The following CNTN6 variants were observed in gnomAD, a reference collection of about 807,000 sequenced individuals.
CNTN6 encodes contactin-6.
A neutral mutation model predicts 122.8 loss-of-function variants in CNTN6; 137 were observed. That is an observed-to-expected ratio of 1.12 (90% CI 0.97 to 1.29). CNTN6 has a LOEUF of 1.29. Ranked by LOEUF, CNTN6 falls within the 50% of genes most tolerant of loss-of-function variation. The pLI is 0.00. For missense variants in CNTN6, 1,634 were observed against 1,223.4 expected, an observed-to-expected ratio of 1.34 and a Z score of -5.01; for synonymous variants, 570 against 426.0, an observed-to-expected ratio of 1.34 and a Z score of -4.16.
chr3:1,377,471 C>G (rs1161139721), intron 17 of CNTN6, among the ~76,000 whole-genome samples: 2 of 152,156 alleles, frequency 1.3e-5, no homozygotes, highest in Non-Finnish European at 2.9e-5. Flanking sequence ...CACCTCTGAT[C>G]AACTCATTCT....
intron 12 of CNTN6, among the ~76,000 whole-genome samples, chr3:1,362,986 G>A (rs562793910): frequency 7.9e-5 from 12 of 151,886 alleles, no homozygotes; most frequent in African/African-American, 2.4e-4. Flanking sequence ...TTTTTAATGC[G>A]CTAAAGACAA....
intron 2 of CNTN6, among the ~76,000 whole-genome samples, chr3:1,220,441 T>C (rs2094191877): frequency 6.6e-6 from 1 of 152,140 alleles, no homozygotes; most frequent in Non-Finnish European, 1.5e-5. Context: ...TTTCTTGATA[T>C]TGTTGGTTTT....
intron 11 of CNTN6, among the ~76,000 whole-genome samples, chr3:1,351,834 A>G (rs1176398111): frequency 1.3e-5 from 2 of 152,020 alleles, no homozygotes; most frequent in South Asian, 4.1e-4. Context: ...ACTCATCAGC[A>G]CTGGCAAATA....
chr3:1,340,974 T>C (rs557309341), intron 11 of CNTN6, among the ~76,000 whole-genome samples: 21 of 152,150 alleles, frequency 1.4e-4, no homozygotes, highest in African/African-American at 5.1e-4. Context: ...CATCTGTCTA[T>C]CCCAAAGCTT....
chr3:1,367,224 CCAT>C (rs1169381249), intron 12 of CNTN6, among the ~76,000 whole-genome samples: 4 of 151,986 alleles, frequency 2.6e-5, no homozygotes, highest in African/African-American at 9.7e-5. Context: ...ACTGTAGTCA[CCAT>C]GCTGTGCCGT....
chr3:1,357,567 C>T (rs776482985), intron 12 of CNTN6, among the ~76,000 whole-genome samples: 27 of 151,848 alleles, frequency 1.8e-4, no homozygotes, highest in Non-Finnish European at 3.7e-4. Context: ...AAACCACTTG[C>T]CCAAGGTCCC....
At chr3:1,150,151 G>A (rs2092808669) in intron 2 of CNTN6, among the ~76,000 whole-genome samples, 1 of 152,066 alleles carries the variant, frequency 6.6e-6, no homozygotes, top group Non-Finnish European at 1.5e-5. Context: ...AGACAACACT[G>A]CTTTAAATCT....
At chr3:1,367,725 T>A (rs532905533) in intron 12 of CNTN6, among the ~76,000 whole-genome samples, 58 of 152,234 alleles carry the variant, frequency 3.8e-4, no homozygotes, top group African/African-American at 1.3e-3. Context: ...GTGCACATGC[T>A]TGCCTGGGTA....
At chr3:1,141,995 A>G (rs1032669) in intron 1 of CNTN6, among the ~76,000 whole-genome samples, 91,804 of 151,870 alleles carry the variant, frequency 0.6, 28,534 homozygotes, top group African/African-American at 0.75. Flanking sequence ...TAACAGAGGT[A>G]CCATCTCTGT....
intron 5 of CNTN6, 32 bp from the exon 6 acceptor site, chr3:1,295,564 GGTTTT>G (rs747708317): frequency 7.2e-4 from 1,102 of 1,522,520 alleles, no homozygotes; most frequent in Admixed American, 2.5e-3. Context: ...AGGACAGTAT[GGTTTT>G]GTTTTGTTTT....
At chr3:1,358,766 C>G (rs1441847269) in intron 12 of CNTN6, among the ~76,000 whole-genome samples, 2 of 151,940 alleles carry the variant, frequency 1.3e-5, no homozygotes, top group Non-Finnish European at 2.9e-5. Context: ...AAAATTTCTA[C>G]TTTCATCTTC....
chr3:1,385,335 C>G (rs1692706568), intron 19 of CNTN6, among the ~76,000 whole-genome samples: 1 of 151,966 alleles, frequency 6.6e-6, no homozygotes, highest in South Asian at 2.1e-4. Context: ...AGCTGGTAAC[C>G]TTTAGATAGC....
intron 5 of CNTN6, among the ~76,000 whole-genome samples, chr3:1,293,742 C>T (rs1331859421): frequency 6.6e-6 from 1 of 152,122 alleles, no homozygotes; most frequent in African/African-American, 2.4e-5. Flanking sequence ...TATTCCCCTT[C>T]TCCACCCTGA....
chr3:1,211,699 G>C (rs577903704), intron 2 of CNTN6, among the ~76,000 whole-genome samples: 1 of 151,092 alleles, frequency 6.6e-6, no homozygotes, highest in African/African-American at 2.4e-5. Flanking sequence ...TGTGTAGACT[G>C]GTGTTCTCTA....
chr3:1,234,292 C>T (rs4447740), intron 4 of CNTN6, among the ~76,000 whole-genome samples: 6,380 of 151,990 alleles, frequency 0.042, 441 homozygotes, highest in African/African-American at 0.15. Flanking sequence ...AAGGTAAAGT[C>T]GTAACATAAA....
chr3:1,297,977 T>G lies in CNTN6; in HGVS notation c.747T>G (p.Cys249Trp). The change falls in exon 7 of 23, where the codon TGT (cysteine) becomes TGG (tryptophan). Residue 249 changes from cysteine (C) to tryptophan (W), a missense_variant. Transcript: ENST00000446702. ...AGGATTCATCTGTAAAACTGGAATG[T>G]TTTGCCCTTGGAAAGTAAGGTTTTT... The part of the protein sequence containing the change: ...AAKDSSVKLE[C>W]FALGNPVPDI... The G allele has an allele frequency of 6.2e-7, 1 of 1,602,790 alleles. No individual in the cohort carries two copies. The highest frequency in any genetic ancestry group is 8.5e-7 in the Non-Finnish European group (1 of 1,177,346).
rs376178908 is a variant in CNTN6, at chr3:1,307,867, C to G, written c.761+9876C>G. Among the ~76,000 whole-genome samples the G allele has an allele frequency of 3.9e-5, 6 of 152,254 alleles. No individual in the cohort carries two copies. In the South Asian group the frequency reaches 1.2e-3, roughly 32 times the overall value. On this transcript the variant is annotated intron_variant, in intron 7 of 22. Coordinates refer to ENST00000446702, the MANE Select transcript of CNTN6 (RefSeq NM_001289080.2). ...AATTTTCATTACATATCAAGGTTAA[C>G]TTTATCATAATGATTTATGACAGAT... is the stretch of plus-strand genomic sequence containing the variant.
intron 12 of CNTN6, among the ~76,000 whole-genome samples, chr3:1,366,629 G>C (rs1336607020): frequency 6.6e-6 from 1 of 152,160 alleles, no homozygotes; most frequent in Non-Finnish European, 1.5e-5. Flanking sequence ...TCCAGTCCCT[G>C]CAAGTGTGAT....
chr3:1,330,936 A>G (rs551221787), intron 11 of CNTN6, among the ~76,000 whole-genome samples: 1 of 152,064 alleles, frequency 6.6e-6, no homozygotes, highest in African/African-American at 2.4e-5. Context: ...TAGAACTTCC[A>G]ATGTTTCAGA....
Sources: allele counts gnomAD v4.1 joint callset (sites outside exome capture counted in the v4.1 genomes callset), GRCh38; gene constraint gnomAD v4.1.1; transcripts MANE v1.5; gene names NCBI Gene and HGNC (gene_info 2026-07-23, HGNC 2026-07-21).